PTPRD: variants seen among roughly 807,000 people sequenced by gnomAD.
PTPRD encodes the protein receptor-type tyrosine-protein phosphatase delta.
In PTPRD, 34 loss-of-function variants were observed where a neutral mutation model predicts 214.5. That is an observed-to-expected ratio of 0.16 (90% CI 0.12 to 0.21). The LOEUF (loss-of-function observed/expected upper bound fraction) is 0.21. Ranked by LOEUF, PTPRD falls within the 10% of genes least tolerant of loss-of-function variation. The pLI, the probability that PTPRD is intolerant of heterozygous loss-of-function variation, is 1.00. For synonymous variants in PTPRD, 1,128 were observed against 845.7 expected (o/e 1.33, Z -5.79); for missense variants, 2,545 against 2,398.7 (o/e 1.06, Z -1.27).
intron 9 of PTPRD, among the ~76,000 whole-genome samples, chr9:9,215,292 ATACTTG>A (rs1195404917): frequency 1.3e-5 from 2 of 152,174 alleles, no homozygotes; most frequent in African/African-American, 4.8e-5. Context: ...GAGCAGTTAC[ATACTTG>A]TACTTGTTCA....
intron 12 of PTPRD, among the ~76,000 whole-genome samples, chr9:8,710,864 A>C (rs2098318682): frequency 6.6e-6 from 1 of 152,184 alleles, no homozygotes; most frequent in East Asian, 1.9e-4. Context: ...GATCTCCATC[A>C]AACGAATAAA....
chr9:10,455,084 A>G, intron 2 of PTPRD, among the ~76,000 whole-genome samples: 1 of 151,668 alleles, frequency 6.6e-6, no homozygotes, highest in South Asian at 2.1e-4. Flanking sequence ...TCACCTTGTT[A>G]TTGGTTTTCT....
intron 11 of PTPRD, among the ~76,000 whole-genome samples, chr9:8,849,446 T>A (rs966499615): frequency 6.6e-6 from 1 of 152,152 alleles, no homozygotes; most frequent in South Asian, 2.1e-4. Context: ...CAGAATGGTC[T>A]CGATCTCCTG....
intron 12 of PTPRD, among the ~76,000 whole-genome samples, chr9:8,712,616 G>A (rs1400038008): frequency 6.6e-6 from 1 of 152,042 alleles, no homozygotes; most frequent in Admixed American, 6.6e-5. Context: ...AGTTCCAGCA[G>A]GGGATAATTT....
chr9:9,237,209 G>A (rs540939951), intron 9 of PTPRD, among the ~76,000 whole-genome samples: 1 of 152,242 alleles, frequency 6.6e-6, no homozygotes, highest in Non-Finnish European at 1.5e-5. Flanking sequence ...TAATACAATT[G>A]GATAGATGGG....
intron 9 of PTPRD, among the ~76,000 whole-genome samples, chr9:9,217,544 C>G (rs1220346869): frequency 6.7e-6 from 1 of 150,324 alleles, no homozygotes; most frequent in Admixed American, 6.6e-5. Context: ...TTGGCTATGT[C>G]GGATCCTTTA....
intron 9 of PTPRD, among the ~76,000 whole-genome samples, chr9:9,389,205 A>G (rs1309092341): frequency 2.0e-5 from 3 of 152,132 alleles, no homozygotes; most frequent in Non-Finnish European, 2.9e-5. Context: ...TGCTTTTATT[A>G]TGTTCTCAAA....
chr9:8,352,453 A>C (rs976951236), intron 39 of PTPRD, among the ~76,000 whole-genome samples: 1 of 152,198 alleles, frequency 6.6e-6, no homozygotes, highest in East Asian at 1.9e-4. Context: ...CGTATTCTAA[A>C]TTCTGTTTAG....
intron 12 of PTPRD, 120 bp downstream of exon 12, chr9:8,733,660 G>C (rs1431152718): frequency 1.0e-6 from 1 of 1,001,528 alleles, no homozygotes; most frequent in Non-Finnish European, 1.5e-6. Flanking sequence ...GGAGGATCCC[G>C]CAGTGTCTCA....
chr9:9,079,989 T>C (rs1424476541), intron 10 of PTPRD, among the ~76,000 whole-genome samples: 2 of 152,086 alleles, frequency 1.3e-5, no homozygotes, highest in Admixed American at 1.3e-4. Context: ...CAATATTAAA[T>C]GTTCAATGAC....
chr9:10,077,830 CT>C (rs60983926), intron 3 of PTPRD, among the ~76,000 whole-genome samples: 28,928 of 146,870 alleles, frequency 0.2, 3,305 homozygotes, highest in South Asian at 0.3. Flanking sequence ...CATGATCTCT[CT>C]TTTTTTTTTT....
intron 2 of PTPRD, among the ~76,000 whole-genome samples, chr9:10,487,633 A>T (rs1472659405): frequency 1.3e-5 from 2 of 152,006 alleles, no homozygotes; most frequent in Admixed American, 6.6e-5. Context: ...GTTCTCACTC[A>T]TAAGTGGGAG....
intron 44 of PTPRD, among the ~76,000 whole-genome samples, chr9:8,322,598 G>A (rs548451688): frequency 2.4e-4 from 37 of 152,294 alleles, no homozygotes; most frequent in African/African-American, 8.7e-4. Context: ...AGTTAGCACA[G>A]GTTGGCTTAT....
intron 3 of PTPRD, among the ~76,000 whole-genome samples, chr9:10,252,599 TATATTA>T (rs1157940724): frequency 1.3e-5 from 2 of 152,102 alleles, no homozygotes; most frequent in African/African-American, 4.8e-5. Context: ...AATGATATTA[TATATTA>T]ATGAGTGATC....
intron 3 of PTPRD, among the ~76,000 whole-genome samples, chr9:10,159,868 C>T (rs915423007): frequency 3.3e-5 from 5 of 151,924 alleles, no homozygotes; most frequent in African/African-American, 1.2e-4. Flanking sequence ...AGAAAATAAC[C>T]TCAACAGGCA....
At chr9:10,161,899 C>A (rs1225489692) in intron 3 of PTPRD, among the ~76,000 whole-genome samples, 2 of 151,644 alleles carry the variant, frequency 1.3e-5, no homozygotes, top group African/African-American at 4.8e-5. Flanking sequence ...AATGACATTT[C>A]TCAAAAGAAA....
At chr9:8,402,781 A>C (rs919011155) in intron 36 of PTPRD, among the ~76,000 whole-genome samples, 1 of 152,124 alleles carries the variant, frequency 6.6e-6, no homozygotes, top group Non-Finnish European at 1.5e-5. Flanking sequence ...ACAGTTTTTA[A>C]ACAGAATTTG....
chr9:8,910,950 C>A (rs946900339), intron 11 of PTPRD, among the ~76,000 whole-genome samples: 1 of 152,122 alleles, frequency 6.6e-6, no homozygotes, highest in African/African-American at 2.4e-5. Context: ...ATATTAAGAA[C>A]ATATAAATTA....
chr9:8,530,908 G>A (rs2075527532), intron 14 of PTPRD, among the ~76,000 whole-genome samples: 1 of 152,112 alleles, frequency 6.6e-6, no homozygotes, highest in East Asian at 1.9e-4. Flanking sequence ...GGGCAGGATA[G>A]AAAGTTTCTA....
Sources: allele counts gnomAD v4.1 joint callset (sites outside exome capture counted in the v4.1 genomes callset), GRCh38; gene constraint gnomAD v4.1.1; transcripts MANE v1.5; gene names NCBI Gene and HGNC (gene_info 2026-07-23, HGNC 2026-07-21).